PCDHA5: variants seen among roughly 807,000 people sequenced by gnomAD.
The protein encoded by PCDHA5 is protocadherin alpha 5, also known as protocadherin alpha-5.
In PCDHA5, 43 loss-of-function variants were observed where a neutral mutation model predicts 61.6. That is an observed-to-expected ratio of 0.70 (90% CI 0.55 to 0.90). The LOEUF (loss-of-function observed/expected upper bound fraction) is 0.90, where lower values mean the gene tolerates loss of function less well. Among genes scored for constraint, PCDHA5 ranks in the 40% least tolerant of loss-of-function variants. The probability of loss-of-function intolerance (pLI) is 0.00; values close to 1 mark genes in which losing one functional copy is unlikely to be tolerated. For missense variants in PCDHA5, 1,298 were observed against 1,222.7 expected (o/e 1.06, Z -0.92); for synonymous variants, 627 against 543.9 (o/e 1.15, Z -2.13).
At chr5:140,928,115 T>A (rs2084949063) in intron 1 of PCDHA5, 1 of 1,614,164 alleles carries the variant, frequency 6.2e-7, no homozygotes, top group East Asian at 2.2e-5. Flanking sequence ...CGGGAGCAGA[T>A]CAGTGAATAC....
intron 1 of PCDHA5, chr5:140,850,636 C>G (rs782210334): frequency 1.9e-6 from 3 of 1,598,538 alleles, no homozygotes; most frequent in Non-Finnish European, 2.6e-6. Context: ...TTGGTTCTCA[C>G]GCTGCTGCTG....
intron 1 of PCDHA5, chr5:140,883,292 G>C (rs1352359327): frequency 6.2e-7 from 1 of 1,613,946 alleles, no homozygotes; most frequent in Non-Finnish European, 8.5e-7. Flanking sequence ...GGAAGTACTA[G>C]ATGTAAATGA....
chr5:140,845,159 A>G (rs1332368561), intron 1 of PCDHA5, among the ~76,000 whole-genome samples: 4 of 149,530 alleles, frequency 2.7e-5, no homozygotes, highest in Non-Finnish European at 1.5e-5. Context: ...TGTAAAAGCG[A>G]ATTGTTTTCA....
intron 1 of PCDHA5, chr5:140,871,024 T>C: frequency 6.2e-7 from 1 of 1,613,196 alleles, no homozygotes; most frequent in Non-Finnish European, 8.5e-7. Context: ...CGAGGCAGAC[T>C]CGCCGCGCCA....
intron 1 of PCDHA5, among the ~76,000 whole-genome samples, chr5:140,872,413 G>A (rs2053647330): frequency 6.6e-6 from 1 of 151,990 alleles, no homozygotes; most frequent in Admixed American, 6.6e-5. Flanking sequence ...AATTGCTTGA[G>A]CCCAAGAGTT....
rs2150113241 is a variant in PCDHA5 at position 140,822,050 on chromosome 5, A to AG, written c.277dup (p.Glu93GlyfsTer35). 2 of 1,614,182 alleles carry AG rather than the reference A, an allele frequency of 1.2e-6. No homozygotes were observed. Among genetic ancestry groups the AG allele is most frequent in the South Asian group, 2.2e-5 (2 of 91,080 alleles). ...TTTGTGAATTCTCGGATCGACCGGG[A>AG]GGAGCTGTGCCGGCGGAGGGCGGAG... On this transcript the variant is annotated frameshift_variant, in exon 1 of 4. Coordinates refer to ENST00000529859, the MANE Select transcript of PCDHA5 (RefSeq NM_018908.3). LOFTEE classifies it high-confidence loss of function.
intron 1 of PCDHA5, among the ~76,000 whole-genome samples, chr5:140,845,576 A>G (rs1779934940): frequency 6.7e-6 from 1 of 149,490 alleles, no homozygotes; most frequent in Non-Finnish European, 1.5e-5. Flanking sequence ...AATTTCTGGG[A>G]TTGAAATGTG....
chr5:140,985,590 T>C (rs1049609959), intron 3 of PCDHA5, among the ~76,000 whole-genome samples: 5 of 152,166 alleles, frequency 3.3e-5, no homozygotes, highest in African/African-American at 1.2e-4. Flanking sequence ...TCCTTATACT[T>C]GCTTCAGAGC....
intron 1 of PCDHA5, chr5:140,834,581 G>C: frequency 1.2e-6 from 2 of 1,614,124 alleles, no homozygotes; most frequent in East Asian, 4.5e-5. Flanking sequence ...TGTTCCGGGC[G>C]GTGTGCAAAT....
intron 1 of PCDHA5, among the ~76,000 whole-genome samples, chr5:140,913,872 G>A (rs2076493472): frequency 6.6e-6 from 1 of 151,980 alleles, no homozygotes; most frequent in Non-Finnish European, 1.5e-5. Flanking sequence ...TAATTTCCAT[G>A]TGTTCATGTA....
At position 140,858,049 on chromosome 5, in the gene PCDHA5, G is replaced by T. The variant is rs181372488; in HGVS notation, c.2352+33922G>T. 54 of 1,597,448 alleles carry T rather than the reference G, an allele frequency of 3.4e-5. 4 individuals carry two copies. Among genetic ancestry groups the T allele is most frequent in the Non-Finnish European group, 4.4e-5 (51 of 1,167,426 alleles). On this transcript the variant is annotated intron_variant, in intron 1 of 3. Coordinates refer to ENST00000529859, the MANE Select transcript of PCDHA5 (RefSeq NM_018908.3). ...CGGCCACGGCCACTGTGCTTGTGTC[G>T]CTTGTGGAGGGCAGCCAGGCACCCA... is the stretch of plus-strand genomic sequence containing the variant.
At chr5:140,908,429 G>A (rs575934093) in intron 1 of PCDHA5, among the ~76,000 whole-genome samples, 1 of 152,280 alleles carries the variant, frequency 6.6e-6, no homozygotes, top group African/African-American at 2.4e-5. Flanking sequence ...ATGCTGCTGT[G>A]CGCACCCCAC....
In PCDHA5 at chr5:140,835,797, T is replaced by C. The variant is rs145155815; in HGVS notation, c.2352+11670T>C. ...CGTGAAGGAGAACAACCCGCCGGGC[T>C]GCCACATCTTCACTGTGTCGGCGGG... On this transcript the variant is annotated intron_variant, in intron 1 of 3. Coordinates refer to ENST00000529859, the MANE Select transcript of PCDHA5 (RefSeq NM_018908.3). 2.2e-3 allele frequency: 3,620 copies of C among 1,613,086 alleles called. 43 individuals carry two copies. Among genetic ancestry groups the C allele is most frequent in the Middle Eastern group, 8.4e-3 (47 of 5,592 alleles).
chr5:140,913,942 T>A (rs1489221369), intron 1 of PCDHA5, among the ~76,000 whole-genome samples: 10 of 152,198 alleles, frequency 6.6e-5, no homozygotes, highest in African/African-American at 2.4e-4. Flanking sequence ...GAGAAGAATC[T>A]TGATATGATA....
intron 1 of PCDHA5, among the ~76,000 whole-genome samples, chr5:140,937,761 A>C (rs868923892): frequency 6.6e-6 from 1 of 151,650 alleles, no homozygotes; most frequent in Non-Finnish European, 1.5e-5. Flanking sequence ...AAATACAAAA[A>C]ATTAGTCGGG....
intron 2 of PCDHA5, among the ~76,000 whole-genome samples, chr5:140,979,895 T>G (rs1460432451): frequency 6.6e-6 from 1 of 152,222 alleles, no homozygotes; most frequent in Non-Finnish European, 1.5e-5. Context: ...TTCACCAAAC[T>G]TAGATCAGTT....
chr5:140,893,048 T>C (rs1462017776), intron 1 of PCDHA5, among the ~76,000 whole-genome samples: 1 of 152,250 alleles, frequency 6.6e-6, no homozygotes, highest in Non-Finnish European at 1.5e-5. Flanking sequence ...CCCTCCAGGC[T>C]CAGCCATACT....
chr5:140,892,408 G>A (rs1323060042), intron 1 of PCDHA5, among the ~76,000 whole-genome samples: 1 of 152,054 alleles, frequency 6.6e-6, no homozygotes, highest in African/African-American at 2.4e-5. Context: ...TCAAGCTTCA[G>A]GTATTCTAGA....
At chr5:140,874,935 G>T (rs2055180248) in intron 1 of PCDHA5, among the ~76,000 whole-genome samples, 1 of 152,168 alleles carries the variant, frequency 6.6e-6, no homozygotes, top group South Asian at 2.1e-4. Context: ...AAAAGTTATT[G>T]AAACAGCGGA....
Sources: gnomAD v4.1 joint callset for allele counts (sites outside exome capture counted in the v4.1 genomes callset) on GRCh38, gnomAD v4.1.1 for gene constraint, MANE v1.5 for transcripts, NCBI Gene and HGNC (gene_info 2026-07-23, HGNC 2026-07-21) for gene names.